The following SLC35D4 variants were observed in gnomAD, a reference collection of about 807,000 sequenced individuals.
SLC35D4 encodes the protein UDP-N-acetylglucosamine transporter SLC35D4.
the SLC35D4 span, among the ~76,000 whole-genome samples, chr18:23,348,358 T>C: frequency 1.3e-5 from 2 of 152,230 alleles, no homozygotes; most frequent in Non-Finnish European, 1.5e-5. Flanking sequence ...TGGTTGATAG[T>C]GTTGTTCAAG....
the SLC35D4 span, among the ~76,000 whole-genome samples, chr18:23,408,816 CTTTTTTT>C: frequency 4.4e-5 from 5 of 114,836 alleles, no homozygotes; most frequent in African/African-American, 9.4e-5. Flanking sequence ...TCTTATCTCT[CTTTTTTT>C]TTTTTTTTTT....
the SLC35D4 span, among the ~76,000 whole-genome samples, chr18:23,431,817 T>C: frequency 2.0e-5 from 3 of 152,220 alleles, no homozygotes; most frequent in African/African-American, 7.2e-5. Flanking sequence ...TCCATTTTTT[T>C]CCTATTATTG....
the SLC35D4 span, among the ~76,000 whole-genome samples, chr18:23,385,931 C>A: frequency 1 from 151,859 of 151,860 alleles, 75,929 homozygotes; most frequent in Middle Eastern, 1. Flanking sequence ...GGAGATCGAG[C>A]CCATCCTGGC....
At chr18:23,244,195 C>A in the SLC35D4 span, among the ~76,000 whole-genome samples, 3 of 152,066 alleles carry the variant, frequency 2.0e-5, no homozygotes, top group Non-Finnish European at 4.4e-5. Flanking sequence ...GGTGTCATCT[C>A]AAGTGGATGG....
At chr18:23,304,223 G>C in the SLC35D4 span, among the ~76,000 whole-genome samples, 1 of 148,476 alleles carries the variant, frequency 6.7e-6, no homozygotes. Context: ...CTTGCAGTGA[G>C]CCGAGATTGC....
At chr18:23,350,882 T>C in the SLC35D4 span, among the ~76,000 whole-genome samples, 8 of 152,276 alleles carry the variant, frequency 5.3e-5, 1 homozygote, top group East Asian at 7.7e-4. Context: ...ATTCGTTCTG[T>C]TCCTACCCAA....
chr18:23,254,121 C>T, the SLC35D4 span, among the ~76,000 whole-genome samples: 1 of 152,212 alleles, frequency 6.6e-6, no homozygotes, highest in Admixed American at 6.5e-5. Flanking sequence ...TAGGGATGAT[C>T]TACTTTGACA....
the SLC35D4 span, among the ~76,000 whole-genome samples, chr18:23,261,495 C>T: frequency 1.3e-5 from 2 of 152,034 alleles, no homozygotes; most frequent in South Asian, 2.1e-4. Context: ...TGGTGGTACA[C>T]GCCTGTAGTC....
At chr18:23,283,728 G>C in the SLC35D4 span, among the ~76,000 whole-genome samples, 22 of 151,768 alleles carry the variant, frequency 1.4e-4, no homozygotes, top group African/African-American at 4.8e-4. Context: ...AGAATCACTT[G>C]AGCCTGGGAG....
the SLC35D4 span, among the ~76,000 whole-genome samples, chr18:23,354,345 C>CAAA: frequency 0.016 from 1,564 of 99,036 alleles, 20 homozygotes; most frequent in South Asian, 0.039. Flanking sequence ...ACTAAAAATA[C>CAAA]AAAAAAAAAA....
At chr18:23,282,396 C>T in the SLC35D4 span, among the ~76,000 whole-genome samples, 12 of 152,342 alleles carry the variant, frequency 7.9e-5, no homozygotes, top group Non-Finnish European at 1.6e-4. Context: ...GCGAGTCCGG[C>T]CACTGAAAAT....
chr18:23,437,679 A>G, the SLC35D4 span: 2 of 1,230,426 alleles, frequency 1.6e-6, no homozygotes, highest in Non-Finnish European at 2.3e-6. Context: ...GCCACCAGGA[A>G]GAATGAGGTA....
the SLC35D4 span, among the ~76,000 whole-genome samples, chr18:23,379,874 T>A: frequency 6.6e-6 from 1 of 151,914 alleles, no homozygotes; most frequent in Non-Finnish European, 1.5e-5. Flanking sequence ...GGAGGGCAGA[T>A]CACTTGAGGT....
the SLC35D4 span, chr18:23,259,930 T>C: frequency 6.6e-6 from 1 of 152,308 alleles, no homozygotes; most frequent in Non-Finnish European, 1.5e-5. Flanking sequence ...GTGGGGAAGC[T>C]CCGCCCAGCC....
chr18:23,349,459 G>A, the SLC35D4 span, among the ~76,000 whole-genome samples: 5 of 152,104 alleles, frequency 3.3e-5, no homozygotes, highest in African/African-American at 4.8e-5. Context: ...GTGAAACCCC[G>A]TCTCTGCTAA....
the SLC35D4 span, among the ~76,000 whole-genome samples, chr18:23,285,396 T>G: frequency 6.6e-6 from 1 of 152,162 alleles, no homozygotes; most frequent in East Asian, 1.9e-4. Context: ...TCTAAGCGTC[T>G]TATTTTCTTC....
chr18:23,394,983 C>CAAAAAA, the SLC35D4 span, among the ~76,000 whole-genome samples: 5 of 54,448 alleles, frequency 9.2e-5, no homozygotes, highest in Non-Finnish European at 1.6e-4. Context: ...AACTCCATCT[C>CAAAAAA]AAAAAAAAAA....
the SLC35D4 span, among the ~76,000 whole-genome samples, chr18:23,386,383 GTGATGC>G: frequency 4.6e-5 from 7 of 152,122 alleles, no homozygotes; most frequent in Admixed American, 4.6e-4. Context: ...AGAGACTGGA[GTGATGC>G]AGCCACAAGC....
the SLC35D4 span, among the ~76,000 whole-genome samples, chr18:23,241,024 TCTC>T: frequency 1.3e-4 from 20 of 152,326 alleles, no homozygotes; most frequent in South Asian, 3.5e-3. Flanking sequence ...TGCAGAAAGT[TCTC>T]CTCCCCATCC....
Sources: allele counts gnomAD v4.1 joint callset (sites outside exome capture counted in the v4.1 genomes callset), GRCh38; gene constraint gnomAD v4.1.1; transcripts MANE v1.5; gene names NCBI Gene and HGNC (gene_info 2026-07-23, HGNC 2026-07-21).